The following SHISA9 variants were observed in gnomAD, a reference collection of about 807,000 sequenced individuals.
SHISA9 encodes the protein shisa family member 9.
A neutral mutation model predicts 38.0 loss-of-function variants in SHISA9; 13 were observed. That is an observed-to-expected ratio of 0.34 (90% CI 0.22 to 0.54). SHISA9 has a LOEUF of 0.54. Among genes scored for constraint, SHISA9 ranks in the 20% least tolerant of loss-of-function variants. SHISA9 has a pLI of 0.91. For missense variants in SHISA9, 538 were observed against 575.8 expected, an observed-to-expected ratio of 0.93 and a Z score of 0.67; for synonymous variants, 275 against 242.0, an observed-to-expected ratio of 1.14 and a Z score of -1.27.
At chr16:13,478,085 C>T in the SHISA9 span, among the ~76,000 whole-genome samples, 1 of 152,202 alleles carries the variant, frequency 6.6e-6, no homozygotes, top group Non-Finnish European at 1.5e-5. Flanking sequence ...TCGCATTTTC[C>T]TCTGAAATCC....
At chr16:12,992,842 A>C (rs911905564) in intron 2 of SHISA9, among the ~76,000 whole-genome samples, 3 of 152,226 alleles carry the variant, frequency 2.0e-5, no homozygotes, top group African/African-American at 4.8e-5. Context: ...CATACCATGT[A>C]CTAGGCCATG....
At chr16:13,382,480 A>C in the SHISA9 span, among the ~76,000 whole-genome samples, 1 of 149,292 alleles carries the variant, frequency 6.7e-6, no homozygotes, top group African/African-American at 2.5e-5. Flanking sequence ...CAGTGAGCCG[A>C]GATCGCGCCA....
the SHISA9 span, among the ~76,000 whole-genome samples, chr16:13,355,084 G>A: frequency 6.7e-6 from 1 of 149,652 alleles, no homozygotes; most frequent in African/African-American, 2.5e-5. Context: ...TGTAGAGGCA[G>A]GTATTGATGA....
chr16:13,177,651 G>A (rs1442769903), intron 2 of SHISA9, among the ~76,000 whole-genome samples: 2 of 150,912 alleles, frequency 1.3e-5, no homozygotes, highest in Admixed American at 6.6e-5. Flanking sequence ...CTAGGTTCAC[G>A]GTGTTTTTGT....
At chr16:13,531,063 G>T in the SHISA9 span, among the ~76,000 whole-genome samples, 21 of 152,122 alleles carry the variant, frequency 1.4e-4, no homozygotes, top group Non-Finnish European at 3.1e-4. Flanking sequence ...CTGGAGTCTT[G>T]TATTATCATT....
chr16:13,448,033 G>T, the SHISA9 span, among the ~76,000 whole-genome samples: 1 of 152,178 alleles, frequency 6.6e-6, no homozygotes, highest in Non-Finnish European at 1.5e-5. Flanking sequence ...GGTGTCTATC[G>T]TTAGTCACAG....
At chr16:13,136,472 CACT>C (rs991604012) in intron 2 of SHISA9, among the ~76,000 whole-genome samples, 7 of 135,696 alleles carry the variant, frequency 5.2e-5, no homozygotes, top group African/African-American at 1.7e-4. Context: ...AATCTCGACT[CACT>C]GCAACCTCCA....
chr16:13,537,888 C>G, the SHISA9 span, among the ~76,000 whole-genome samples: 1 of 152,082 alleles, frequency 6.6e-6, no homozygotes, highest in Non-Finnish European at 1.5e-5. Context: ...CTAGAAGAAA[C>G]TATGTCAAAA....
At chr16:13,095,365 T>A (rs999633924) in intron 2 of SHISA9, among the ~76,000 whole-genome samples, 5 of 152,216 alleles carry the variant, frequency 3.3e-5, no homozygotes, top group Non-Finnish European at 1.5e-5. Flanking sequence ...TCCCCTGCAT[T>A]CTGCAGAGGT....
the SHISA9 span, among the ~76,000 whole-genome samples, chr16:13,420,135 A>C: frequency 8.9e-5 from 13 of 145,572 alleles, no homozygotes; most frequent in Non-Finnish European, 1.9e-4. Context: ...AATCCCAGCT[A>C]CTCTGGATGC....
chr16:13,431,346 C>T, the SHISA9 span, among the ~76,000 whole-genome samples: 1 of 152,206 alleles, frequency 6.6e-6, no homozygotes, highest in African/African-American at 2.4e-5. Context: ...AAAAAAATAA[C>T]TGATGGCCAA....
chr16:13,191,940 AT>A (rs1222917148), intron 2 of SHISA9, among the ~76,000 whole-genome samples: 2 of 152,210 alleles, frequency 1.3e-5, no homozygotes, highest in African/African-American at 4.8e-5. Flanking sequence ...TATGGAACCA[AT>A]GAAGTGGAAG....
the SHISA9 span, among the ~76,000 whole-genome samples, chr16:13,380,773 C>T: frequency 1.3e-5 from 2 of 151,984 alleles, no homozygotes; most frequent in East Asian, 3.9e-4. Context: ...CTGCACCCAT[C>T]AACCCTTCAC....
At chr16:13,482,387 A>G in the SHISA9 span, among the ~76,000 whole-genome samples, 1 of 152,234 alleles carries the variant, frequency 6.6e-6, no homozygotes, top group East Asian at 1.9e-4. Flanking sequence ...TTATTACCCC[A>G]GCGGTATTCA....
At chr16:13,419,753 A>T in the SHISA9 span, among the ~76,000 whole-genome samples, 1 of 152,242 alleles carries the variant, frequency 6.6e-6, no homozygotes, top group Non-Finnish European at 1.5e-5. Context: ...AGGAGCAATC[A>T]TAAACAAGGC....
chr16:13,367,358 C>T, the SHISA9 span, among the ~76,000 whole-genome samples: 7 of 149,042 alleles, frequency 4.7e-5, no homozygotes, highest in South Asian at 2.2e-4. Context: ...ATGCCACCCA[C>T]GGGTACCATT....
the SHISA9 span, among the ~76,000 whole-genome samples, chr16:13,447,637 T>C: frequency 6.6e-6 from 1 of 152,316 alleles, no homozygotes; most frequent in East Asian, 1.9e-4. Context: ...ATCATTTTCT[T>C]TGGGAGATAG....
the SHISA9 span, among the ~76,000 whole-genome samples, chr16:13,248,450 T>A: frequency 6.6e-6 from 1 of 152,158 alleles, no homozygotes; most frequent in African/African-American, 2.4e-5. Context: ...AGGCACTGCA[T>A]GCAGAGAGAA....
rs149722742 is a variant in SHISA9, at chr16:13,048,712, G to A, written c.691+131897G>A. On this transcript the variant is annotated intron_variant, in intron 2 of 4. Transcript: ENST00000558583. The stretch of plus-strand genomic sequence containing the variant: ...GCTGGGATTACAGGCATGAGCCACC[G>A]CACCTGGCTGACTTACAGCATTTTT... Among the ~76,000 whole-genome samples, 566 of 152,266 alleles carry A rather than the reference G, an allele frequency of 3.7e-3. 3 individuals carry two copies. The highest frequency in any genetic ancestry group is 5.0e-3 in the South Asian group (24 of 4,828).
Sources: gnomAD v4.1 joint callset for allele counts (sites outside exome capture counted in the v4.1 genomes callset) on GRCh38, gnomAD v4.1.1 for gene constraint, MANE v1.5 for transcripts, NCBI Gene and HGNC (gene_info 2026-07-23, HGNC 2026-07-21) for gene names.